Variants in NCAM2 observed in about 807,000 individuals in gnomAD.
NCAM2 encodes neural cell adhesion molecule 2, also known as N-CAM-2.
In NCAM2, 30 loss-of-function variants were observed where a neutral mutation model predicts 98.1. The observed-to-expected ratio is 0.31, with a 90% CI of 0.23 to 0.41. The LOEUF (loss-of-function observed/expected upper bound fraction) is 0.41, where lower values mean the gene tolerates loss of function less well. Ranked by LOEUF, NCAM2 falls within the 10% of genes least tolerant of loss-of-function variation. The pLI is 1.00. For synonymous variants in NCAM2, 368 were observed against 342.4 expected, an observed-to-expected ratio of 1.07 and a Z score of -0.83; for missense variants, 867 against 1,005.8, an observed-to-expected ratio of 0.86 and a Z score of 1.87.
chr21:21,340,811 G>T (rs551974798), intron 8 of NCAM2, among the ~76,000 whole-genome samples: 6 of 151,898 alleles, frequency 4.0e-5, no homozygotes, highest in Admixed American at 2.6e-4. Context: ...CATTTATGAT[G>T]CCTCAGCATG....
intron 5 of NCAM2, among the ~76,000 whole-genome samples, chr21:21,307,689 T>C (rs2073927984): frequency 6.6e-6 from 1 of 152,108 alleles, no homozygotes; most frequent in Non-Finnish European, 1.5e-5. Flanking sequence ...GAGGGTGCCT[T>C]TACCTTTGAG....
chr21:21,418,429 G>C (rs1370618837), intron 10 of NCAM2, 44 bp from the exon 11 acceptor site: 1 of 1,416,218 alleles, frequency 7.1e-7, no homozygotes, highest in African/African-American at 1.4e-5. Context: ...TAAAACTTCT[G>C]TGATGTTTTA....
chr21:21,321,436 T>A (rs1165575531), intron 5 of NCAM2, among the ~76,000 whole-genome samples: 1 of 148,392 alleles, frequency 6.7e-6, no homozygotes, highest in East Asian at 1.9e-4. Flanking sequence ...ACTCGTCAAT[T>A]TTTGTATTTA....
chr21:21,475,643 A>G (rs117219679), intron 14 of NCAM2, among the ~76,000 whole-genome samples: 2,941 of 152,300 alleles, frequency 0.019, 41 homozygotes, highest in Non-Finnish European at 0.029. Flanking sequence ...ACATCTCATA[A>G]TACTTTAAGT....
intron 16 of NCAM2, among the ~76,000 whole-genome samples, chr21:21,516,169 C>CAA (rs1988701159): frequency 6.6e-6 from 1 of 152,272 alleles, no homozygotes; most frequent in East Asian, 1.9e-4. Context: ...ACAGTTTGTA[C>CAA]TCTTTCGTGT....
intron 11 of NCAM2, among the ~76,000 whole-genome samples, chr21:21,423,748 A>T (rs1188110735): frequency 1.3e-5 from 2 of 151,872 alleles, no homozygotes; most frequent in African/African-American, 4.8e-5. Flanking sequence ...TCATTTTTTA[A>T]CCTACTGAAA....
At chr21:21,229,634 G>T (rs2070539921) in intron 1 of NCAM2, among the ~76,000 whole-genome samples, 1 of 151,382 alleles carries the variant, frequency 6.6e-6, no homozygotes, top group Admixed American at 6.6e-5. Flanking sequence ...TGTAATAGTT[G>T]TCTTCCAGAT....
chr21:21,281,664 T>C (rs146650572), intron 2 of NCAM2, among the ~76,000 whole-genome samples: 131 of 152,108 alleles, frequency 8.6e-4, no homozygotes, highest in Middle Eastern at 3.4e-3. Flanking sequence ...AGTCTTCATA[T>C]CCAAACTATG....
chr21:21,110,018 G>T (rs12482328), intron 1 of NCAM2, among the ~76,000 whole-genome samples: 7,011 of 152,274 alleles, frequency 0.046, 218 homozygotes, highest in East Asian at 0.17. Flanking sequence ...AGCCGTTGTA[G>T]GGGGAGTTCC....
chr21:21,244,955 A>C (rs939489718), intron 1 of NCAM2, among the ~76,000 whole-genome samples: 1 of 152,072 alleles, frequency 6.6e-6, no homozygotes, highest in Non-Finnish European at 1.5e-5. Flanking sequence ...TGAAACTGTA[A>C]CACACAGAAC....
At chr21:21,127,061 TA>T (rs1205199317) in intron 1 of NCAM2, among the ~76,000 whole-genome samples, 1 of 151,936 alleles carries the variant, frequency 6.6e-6, no homozygotes, top group Non-Finnish European at 1.5e-5. Context: ...TTTTCACTAT[TA>T]AAAAAGAATA....
chr21:21,107,851 T>C (rs1459010756), intron 1 of NCAM2, among the ~76,000 whole-genome samples: 1 of 152,140 alleles, frequency 6.6e-6, no homozygotes, highest in African/African-American at 2.4e-5. Flanking sequence ...ACTTAATTTA[T>C]ATCTAGTGGG....
At chr21:21,003,435 T>A (rs1328330037) in intron 1 of NCAM2, among the ~76,000 whole-genome samples, 1 of 152,142 alleles carries the variant, frequency 6.6e-6, no homozygotes, top group African/African-American at 2.4e-5. Context: ...ACTAAGAGTC[T>A]CTTAACCTTG....
chr21:21,172,923 A>T (rs1379854203), intron 1 of NCAM2, among the ~76,000 whole-genome samples: 1 of 152,078 alleles, frequency 6.6e-6, no homozygotes, highest in Non-Finnish European at 1.5e-5. Flanking sequence ...ATTTTTGTTT[A>T]TTTCACTTTT....
At chr21:21,013,752 G>T (rs2064252127) in intron 1 of NCAM2, among the ~76,000 whole-genome samples, 1 of 151,138 alleles carries the variant, frequency 6.6e-6, no homozygotes, top group Admixed American at 6.6e-5. Context: ...TTGCACTCTA[G>T]TCTGGGCAAA....
chr21:21,213,600 C>T (rs2069747919), intron 1 of NCAM2, among the ~76,000 whole-genome samples: 1 of 152,102 alleles, frequency 6.6e-6, no homozygotes, highest in South Asian at 2.1e-4. Context: ...ATGCCTTTTA[C>T]ACCTAAAAGG....
At chr21:21,527,669 A>G (rs35759663) in intron 16 of NCAM2, among the ~76,000 whole-genome samples, 120 of 152,292 alleles carry the variant, frequency 7.9e-4, no homozygotes, top group Non-Finnish European at 1.3e-3. Context: ...CTGCAAGCCT[A>G]TCGAAATGGT....
rs1990180084 is a variant in NCAM2, at chr21:21,540,282, CACATATATATACAT to C, written c.*2327_*2340del. On this transcript the variant is annotated 3_prime_UTR_variant, in exon 18 of 18. Transcript: ENST00000400546. Reference sequence around the variant, plus strand: ...ATATATATACACATATATATATATACACATATATATACATATATATATATGATGTTAAATTTCCT... The same window carrying C: ...ATATATATACACATATATATATATACATATATATATGATGTTAAATTTCCT... The C allele has an allele frequency of 3.5e-5, 4 of 115,282 alleles. No individual in the cohort carries two copies. The highest frequency in any genetic ancestry group is 2.0e-4 in the East Asian group (1 of 4,950). 7.1% of individuals were successfully genotyped at this position (115,282 alleles called of 1,614,324 possible).
intron 16 of NCAM2, among the ~76,000 whole-genome samples, chr21:21,524,225 T>A (rs567991591): frequency 1.8e-4 from 27 of 151,996 alleles, no homozygotes; most frequent in African/African-American, 6.0e-4. Context: ...TATTATCAGG[T>A]TTCTAAACGG....
Sources: allele counts gnomAD v4.1 joint callset (sites outside exome capture counted in the v4.1 genomes callset), GRCh38; gene constraint gnomAD v4.1.1; transcripts MANE v1.5; gene names NCBI Gene and HGNC (gene_info 2026-07-23, HGNC 2026-07-21).